PRSS3: variants seen among roughly 807,000 people sequenced by gnomAD.
PRSS3 encodes serine protease 3.
Under a neutral mutation model 20.8 loss-of-function variants are expected in PRSS3, and 14 were observed. The observed-to-expected ratio is 0.67, with a 90% CI of 0.44 to 1.05. PRSS3 has a LOEUF of 1.05. Among genes scored for constraint, PRSS3 ranks in the 50% least tolerant of loss-of-function variants. PRSS3 has a pLI of 0.00. For missense variants in PRSS3, 237 were observed against 306.4 expected, an observed-to-expected ratio of 0.77 and a Z score of 1.69; for synonymous variants, 91 against 117.6, an observed-to-expected ratio of 0.77 and a Z score of 1.46.
chr9:33,757,539 A>G (rs1823007170), intron 1 of PRSS3, among the ~76,000 whole-genome samples: 1 of 151,258 alleles, frequency 6.6e-6, no homozygotes, highest in African/African-American at 2.4e-5. Flanking sequence ...TACGTTTGAT[A>G]GGAATGGTTC....
chr9:33,759,878 G>A (rs1823110639), intron 1 of PRSS3, among the ~76,000 whole-genome samples: 1 of 152,204 alleles, frequency 6.6e-6, no homozygotes, highest in African/African-American at 2.4e-5. Context: ...GGAAGGCCCA[G>A]CCTCTGCCTG....
intron 1 of PRSS3, among the ~76,000 whole-genome samples, chr9:33,777,725 G>GT (rs1451876466): frequency 1.4e-5 from 2 of 147,294 alleles, no homozygotes; most frequent in Admixed American, 6.8e-5. Context: ...AAAAAAAAAA[G>GT]TAAGACTAGT....
At chr9:33,762,601 C>G (rs1823253031) in intron 1 of PRSS3, among the ~76,000 whole-genome samples, 1 of 152,184 alleles carries the variant, frequency 6.6e-6, no homozygotes, top group African/African-American at 2.4e-5. Context: ...TTCGTGCCGG[C>G]AAGGACAGAT....
chr9:33,794,375 G>A (rs373099588), upstream of PRSS3, among the ~76,000 whole-genome samples: 6 of 152,072 alleles, frequency 3.9e-5, no homozygotes, highest in Admixed American at 3.9e-4. Context: ...CTTGATCACA[G>A]ACAGCATCTC....
intron 1 of PRSS3, among the ~76,000 whole-genome samples, chr9:33,769,539 G>A (rs73645520): frequency 0.11 from 17,056 of 152,228 alleles, 1,390 homozygotes; most frequent in African/African-American, 0.22. Flanking sequence ...AAGAAATGAA[G>A]GAAGATTCTC....
At chr9:33,772,766 G>C (rs1823763407) in intron 1 of PRSS3, among the ~76,000 whole-genome samples, 1 of 152,070 alleles carries the variant, frequency 6.6e-6, no homozygotes, top group Admixed American at 6.6e-5. Context: ...AAGCTCTCTG[G>C]GGTATTTGGG....
At chr9:33,795,289 C>T (rs1324483599), upstream of PRSS3, among the ~76,000 whole-genome samples, 1 of 151,910 alleles carries the variant, frequency 6.6e-6, no homozygotes, top group Non-Finnish European at 1.5e-5. Context: ...GCTGTGTGAT[C>T]CGGGGATTGG....
chr9:33,772,549 AATTTT>A (rs1823755121), intron 1 of PRSS3, among the ~76,000 whole-genome samples: 1 of 152,068 alleles, frequency 6.6e-6, no homozygotes, highest in South Asian at 2.1e-4. Flanking sequence ...TAATTATACT[AATTTT>A]ATTTTATTTT....
chr9:33,781,025 C>T (rs1287199997), intron 1 of PRSS3, among the ~76,000 whole-genome samples: 2 of 152,146 alleles, frequency 1.3e-5, no homozygotes, highest in African/African-American at 4.8e-5. Flanking sequence ...CAGCACTTAA[C>T]CAGTTGAAAC....
rs190029010 is a variant in PRSS3 at position 33,787,749 on chromosome 9, C to T, written c.-52-6997C>T. On this transcript the variant is annotated intron_variant, in intron 1 of 5. Transcript: ENST00000342836. ...TCCTGACATTCCCCAGTAAGAGAAT[C>T]ACAAGGCAGTGTGGAACAGGTTCAC... Among the ~76,000 whole-genome samples, 8 of 152,348 alleles carry T rather than the reference C, an allele frequency of 5.3e-5. No homozygotes were observed. In the East Asian group the frequency reaches 9.6e-4, roughly 18 times the overall value.
At chr9:33,783,867 G>A (rs2119009452) in intron 1 of PRSS3, among the ~76,000 whole-genome samples, 1 of 148,020 alleles carries the variant, frequency 6.8e-6, no homozygotes, top group East Asian at 2.0e-4. Flanking sequence ...TCCAGCCTGA[G>A]CGACAGAGCT....
intron 1 of PRSS3, among the ~76,000 whole-genome samples, chr9:33,784,663 G>C (rs1824312047): frequency 6.6e-6 from 1 of 152,192 alleles, no homozygotes; most frequent in South Asian, 2.1e-4. Flanking sequence ...GTATTTAATA[G>C]AACATCGTAT....
intron 1 of PRSS3, among the ~76,000 whole-genome samples, chr9:33,754,878 G>A (rs1206920163): frequency 2.0e-5 from 3 of 152,162 alleles, no homozygotes; most frequent in Non-Finnish European, 4.4e-5. Context: ...TAATAAGGCA[G>A]GGGGGAGAAT....
intron 1 of PRSS3, among the ~76,000 whole-genome samples, chr9:33,771,564 C>T (rs1288454037): frequency 2.7e-5 from 4 of 150,470 alleles, no homozygotes; most frequent in African/African-American, 9.7e-5. Flanking sequence ...TGACCTCAGG[C>T]AATCCGCCCG....
intron 2 of PRSS3, among the ~76,000 whole-genome samples, chr9:33,797,407 T>C (rs1825023417): frequency 6.6e-6 from 1 of 152,206 alleles, no homozygotes; most frequent in African/African-American, 2.4e-5. Flanking sequence ...TTGGATTAGA[T>C]TACACAGAAG....
intron 1 of PRSS3, among the ~76,000 whole-genome samples, chr9:33,789,429 T>A (rs1250730835): frequency 6.6e-6 from 1 of 152,190 alleles, no homozygotes. Context: ...GAATTTTTTT[T>A]AAATCCTTCA....
At chr9:33,787,057 A>C (rs539442122) in intron 1 of PRSS3, among the ~76,000 whole-genome samples, 50 of 152,328 alleles carry the variant, frequency 3.3e-4, no homozygotes, top group African/African-American at 1.1e-3. Context: ...ATCCACAGTC[A>C]GGAAGAGTGG....
At chr9:33,767,135 A>T (rs1823469636) in intron 1 of PRSS3, among the ~76,000 whole-genome samples, 1 of 152,306 alleles carries the variant, frequency 6.6e-6, no homozygotes, top group East Asian at 1.9e-4. Flanking sequence ...TTTCACAGTG[A>T]TTTAGTAATT....
chr9:33,795,572 C>G lies in PRSS3; in HGVS notation c.-2C>G. ...ACCACCAGTCAGGCACACTCTACCA[C>G]CATGAATCCATTCCTGATCCTTGCC... On this transcript the variant is annotated 5_prime_UTR_variant, in exon 1 of 5. Coordinates refer to ENST00000379405, the MANE Select transcript of PRSS3 (RefSeq NM_002771.4). 1 of 1,614,250 alleles carries G rather than the reference C, an allele frequency of 6.2e-7. No homozygotes were observed. Among genetic ancestry groups the G allele is most frequent in the Non-Finnish European group, 8.5e-7 (1 of 1,180,042 alleles).
Sources: gnomAD v4.1 joint callset for allele counts (sites outside exome capture counted in the v4.1 genomes callset) on GRCh38, gnomAD v4.1.1 for gene constraint, MANE v1.5 for transcripts, NCBI Gene and HGNC (gene_info 2026-07-23, HGNC 2026-07-21) for gene names.